PKP4: variants seen among roughly 807,000 people sequenced by gnomAD.
PKP4 encodes plakophilin 4.
Under a neutral mutation model 145.1 loss-of-function variants are expected in PKP4, and 90 were observed. That is an observed-to-expected ratio of 0.62 (90% CI 0.52 to 0.74). The LOEUF (loss-of-function observed/expected upper bound fraction) is 0.74. Ranked by LOEUF, PKP4 falls within the 30% of genes least tolerant of loss-of-function variation. The pLI, the probability that PKP4 is intolerant of heterozygous loss-of-function variation, is 0.00. For missense variants in PKP4, 1,340 were observed against 1,482.7 expected, an observed-to-expected ratio of 0.90 and a Z score of 1.58; for synonymous variants, 563 against 577.2, an observed-to-expected ratio of 0.98 and a Z score of 0.35.
At chr2:158,644,868 T>G (rs1249029395) in intron 11 of PKP4, among the ~76,000 whole-genome samples, 1 of 152,204 alleles carries the variant, frequency 6.6e-6, no homozygotes, top group African/African-American at 2.4e-5. Context: ...ACCTGGGTGT[T>G]TGTTTTATAT....
rs1205169864 is a variant in PKP4, at chr2:158,621,117, T to C, written c.408T>C (p.Ser136=). 1.2e-6 allele frequency: 2 copies of C among 1,614,132 alleles called. No homozygotes were observed. The highest frequency in any genetic ancestry group is 4.5e-5 in the East Asian group (2 of 44,874). The change falls in exon 5 of 22, where the codon AGT becomes AGC. Residue 136 remains serine, a synonymous_variant. Coordinates refer to ENST00000389759, the MANE Select transcript of PKP4 (RefSeq NM_003628.6). ...YSPEQTSLHE[S]EGSLGNSRSS... is the part of the protein sequence containing the mutation. Reference sequence around the variant, plus strand: ...CAGAACAGACATCTCTCCATGAAAGTGAGGGTCTGTTGTGTTATCTTTTAA... The same window carrying C: ...CAGAACAGACATCTCTCCATGAAAGCGAGGGTCTGTTGTGTTATCTTTTAA...
chr2:158,470,557 T>C (rs932957542), intron 1 of PKP4, among the ~76,000 whole-genome samples: 1 of 152,298 alleles, frequency 6.6e-6, no homozygotes, highest in South Asian at 2.1e-4. Context: ...CACAATCTAA[T>C]TCATTATTTT....
chr2:158,463,089 T>C (rs1437135592), intron 1 of PKP4, among the ~76,000 whole-genome samples: 1 of 152,148 alleles, frequency 6.6e-6, no homozygotes, highest in East Asian at 1.9e-4. Context: ...ACAGAAACCA[T>C]TGTGAGCTTG....
At chr2:158,492,841 T>A (rs1695144173) in intron 1 of PKP4, among the ~76,000 whole-genome samples, 1 of 152,208 alleles carries the variant, frequency 6.6e-6, no homozygotes, top group African/African-American at 2.4e-5. Context: ...GGACTACCCA[T>A]AATTTCATCA....
intron 3 of PKP4, among the ~76,000 whole-genome samples, chr2:158,584,633 C>A (rs2048640782): frequency 6.6e-6 from 1 of 151,840 alleles, no homozygotes; most frequent in Admixed American, 6.6e-5. Context: ...ACTAGCCTGG[C>A]CAACATAGTG....
At chr2:158,497,354 T>G (rs1321255069) in intron 1 of PKP4, among the ~76,000 whole-genome samples, 3 of 152,212 alleles carry the variant, frequency 2.0e-5, no homozygotes, top group Non-Finnish European at 4.4e-5. Context: ...TCTTGGTTCT[T>G]TGCCTGGTTT....
At position 158,460,021 on chromosome 2, in the gene PKP4, G is replaced by T. The variant is rs192962396; in HGVS notation, c.-6+2803G>T. Reference sequence around the variant, plus strand: ...CCCCCTACTATTATGTAAGGAGAGGGTGCTGCATCTGGTGTCTTATGTATT... The same window carrying T: ...CCCCCTACTATTATGTAAGGAGAGGTTGCTGCATCTGGTGTCTTATGTATT... On this transcript the variant is annotated intron_variant, in intron 1 of 21. Transcript: ENST00000389759. Among the ~76,000 whole-genome samples, 426 of 152,272 alleles carry T rather than the reference G, an allele frequency of 2.8e-3. 2 individuals are homozygous for T. The highest frequency in any genetic ancestry group is 5.1e-3 in the Non-Finnish European group (346 of 68,022).
chr2:158,473,684 A>G (rs1485329376), intron 1 of PKP4, among the ~76,000 whole-genome samples: 1 of 152,076 alleles, frequency 6.6e-6, no homozygotes, highest in Non-Finnish European at 1.5e-5. Context: ...GAGGGGGCGG[A>G]AAAGGTAACT....
At chr2:158,650,470 T>C (rs532345591) in intron 11 of PKP4, among the ~76,000 whole-genome samples, 1 of 152,210 alleles carries the variant, frequency 6.6e-6, no homozygotes, top group Non-Finnish European at 1.5e-5. Context: ...GATCCACCTT[T>C]ATGCCTGCAA....
At chr2:158,558,416 G>A (rs568238751) in intron 2 of PKP4, among the ~76,000 whole-genome samples, 1 of 152,068 alleles carries the variant, frequency 6.6e-6, no homozygotes, top group East Asian at 1.9e-4. Flanking sequence ...AGGCAGGGTG[G>A]GCAAAAAATA....
rs746962945 is a variant in PKP4, at chr2:158,658,174, A to T, written c.1953A>T (p.Thr651=). Residue 651 remains threonine (T), a synonymous_variant, in exon 12 of 22, where the codon ACA becomes ACT. Transcript: ENST00000389759. ...NLSSCDAVKM[T]IIRDALSTLT... ...CCTCATGTGATGCTGTAAAAATGAC[A>T]ATCATTCGAGATGCTCTCTCAACCT... The T allele has an allele frequency of 6.2e-7, 1 of 1,607,652 alleles. No individual in the cohort carries two copies. The highest frequency in any genetic ancestry group is 1.1e-5 in the South Asian group (1 of 90,400).
At chr2:158,672,227 C>T (rs1205782826) in intron 17 of PKP4, among the ~76,000 whole-genome samples, 3 of 152,136 alleles carry the variant, frequency 2.0e-5, no homozygotes, top group Non-Finnish European at 2.9e-5. Flanking sequence ...ATATGGAGGT[C>T]CTATATTTAA....
chr2:158,493,334 C>A (rs1559219484), intron 1 of PKP4, among the ~76,000 whole-genome samples: 1 of 152,080 alleles, frequency 6.6e-6, no homozygotes, highest in Non-Finnish European at 1.5e-5. Context: ...CAAATAGTTT[C>A]TCATCGTTTT....
intron 4 of PKP4, among the ~76,000 whole-genome samples, chr2:158,604,302 G>T (rs2050467837): frequency 6.6e-6 from 1 of 152,136 alleles, no homozygotes; most frequent in Non-Finnish European, 1.5e-5. Flanking sequence ...GGTTTGGGAG[G>T]TGATAAGACG....
chr2:158,511,035 G>A (rs1468970395), intron 1 of PKP4, among the ~76,000 whole-genome samples: 1 of 152,212 alleles, frequency 6.6e-6, no homozygotes, highest in South Asian at 2.1e-4. Flanking sequence ...CCTGAGTATG[G>A]TGAAGGAGGA....
intron 1 of PKP4, among the ~76,000 whole-genome samples, chr2:158,489,045 G>C (rs1484144351): frequency 6.6e-6 from 1 of 152,172 alleles, no homozygotes; most frequent in Non-Finnish European, 1.5e-5. Flanking sequence ...ACTTGATGAT[G>C]ATTGTTTTGA....
chr2:158,575,044 G>A (rs1311940189), intron 2 of PKP4, among the ~76,000 whole-genome samples: 1 of 152,180 alleles, frequency 6.6e-6, no homozygotes, highest in Non-Finnish European at 1.5e-5. Flanking sequence ...GATTATTAGT[G>A]AATTCCCACA....
chr2:158,628,249 G>A (rs1051657782), intron 7 of PKP4, among the ~76,000 whole-genome samples: 9 of 152,044 alleles, frequency 5.9e-5, no homozygotes, highest in Admixed American at 1.3e-4. Flanking sequence ...AAAGTGCTGG[G>A]ATTACGGGTG....
intron 1 of PKP4, among the ~76,000 whole-genome samples, chr2:158,508,679 C>T (rs2041227001): frequency 6.6e-6 from 1 of 152,206 alleles, no homozygotes; most frequent in Non-Finnish European, 1.5e-5. Flanking sequence ...TCTTATTTAT[C>T]ATGATACCTC....
Sources: gnomAD v4.1 joint callset for allele counts (sites outside exome capture counted in the v4.1 genomes callset) on GRCh38, gnomAD v4.1.1 for gene constraint, MANE v1.5 for transcripts, NCBI Gene and HGNC (gene_info 2026-07-23, HGNC 2026-07-21) for gene names.